Variants in PLK4 observed in about 807,000 individuals in gnomAD.
PLK4 encodes the protein serine/threonine-protein kinase PLK4.
PLK4 carries 51 observed loss-of-function variants against 103.0 expected under a neutral mutation model. The ratio of observed to expected loss-of-function variants is 0.50; its 90% CI spans 0.40 to 0.63. The LOEUF (loss-of-function observed/expected upper bound fraction) is 0.63. PLK4 is among the 20% of genes least tolerant of loss of function. The pLI, the probability that PLK4 is intolerant of heterozygous loss-of-function variation, is 0.00. For synonymous variants in PLK4, 389 were observed against 376.8 expected (o/e 1.03, Z -0.38); for missense variants, 1,054 against 1,151.0 (o/e 0.92, Z 1.22).
At chr4:127,891,891 TTAAAAAC>T in intron 9 of PLK4, 1 of 300,864 alleles carries the variant, frequency 3.3e-6, no homozygotes, top group Non-Finnish European at 6.0e-6. Flanking sequence ...TATATTCTAT[TTAAAAAC>T]TAACTCTAGA....
At position 127,883,495 on chromosome 4, in the gene PLK4, TA is replaced by T; in HGVS notation, c.281del (p.Asn94MetfsTer4). ...TGTATCTGGTATTAGAAATGTGCCA[TA>T]ATGGAGAAATGAACAGGTATCTAAA... ...YVYLVLEMCH[N>X]GEMNRYLKNR... On this transcript the variant is annotated frameshift_variant, in exon 4 of 16. Transcript: ENST00000270861. LOFTEE classifies it high-confidence loss of function. The T allele has an allele frequency of 6.4e-7, 1 of 1,554,416 alleles. No individual in the cohort carries two copies. The highest frequency in any genetic ancestry group is 8.9e-7 in the Non-Finnish European group (1 of 1,126,412).
intron 2 of PLK4, among the ~76,000 whole-genome samples, chr4:127,882,673 G>T (rs766776167): frequency 6.6e-6 from 1 of 152,090 alleles, no homozygotes; most frequent in South Asian, 2.1e-4. Flanking sequence ...CAGGAGAATC[G>T]CTTGAACCCG....
At chr4:127,885,686 C>A (rs765622036) in intron 4 of PLK4, 22 bp from the exon 5 acceptor site, 1 of 1,560,860 alleles carries the variant, frequency 6.4e-7, no homozygotes, top group Non-Finnish European at 8.7e-7. Flanking sequence ...ATTGTAAATT[C>A]TCTTTTTTAA....
At chr4:127,897,823 G>GGTTTT (rs1560703278) in intron 15 of PLK4, among the ~76,000 whole-genome samples, 1 of 37,138 alleles carries the variant, frequency 2.7e-5, no homozygotes, top group Admixed American at 3.5e-4. Flanking sequence ...TAGAATTAGG[G>GGTTTT]CTTTTTTTTT....
intron 5 of PLK4, 108 bp from the exon 6 acceptor site, chr4:127,887,288 A>G (rs1735172187): frequency 3.1e-6 from 2 of 646,886 alleles, no homozygotes; most frequent in African/African-American, 1.8e-5. Flanking sequence ...TTATTCTAAA[A>G]TGTTCAGGTA....
chr4:127,889,188 A>G (rs935308021), intron 6 of PLK4, among the ~76,000 whole-genome samples: 1 of 152,122 alleles, frequency 6.6e-6, no homozygotes, highest in African/African-American at 2.4e-5. Flanking sequence ...ATATAATTCA[A>G]ATTTTTAGTT....
chr4:127,886,841 A>T (rs1735156035), intron 5 of PLK4, 113 bp downstream of exon 5: 1 of 625,988 alleles, frequency 1.6e-6, no homozygotes, highest in Middle Eastern at 4.3e-4. Context: ...TAAAAAAAAA[A>T]ACCACTGTCA....
chr4:127,895,452 CTTTTTTTT>C (rs70966059), intron 14 of PLK4, among the ~76,000 whole-genome samples: 28 of 65,196 alleles, frequency 4.3e-4, no homozygotes, highest in East Asian at 2.7e-3. Context: ...GAGTAACTTT[CTTTTTTTT>C]TTTTTTTTTT....
In PLK4 at chr4:127,886,680, C is replaced by T. The variant is rs766069077; in HGVS notation, c.1310C>T (p.Thr437Ile). ...ATTTTTAACTTCTTTAAAGAAAAGA[C>T]ATCCAGTAGTTCTGGATCTTTTGAA... is the stretch of plus-strand genomic sequence containing the variant. ...ANIFNFFKEK[T>I]SSSSGSFERP... The change falls in exon 5 of 16, where the codon ACA becomes ATA. Residue 437 changes from threonine to isoleucine, a missense_variant. Transcript: ENST00000270861. 1 of 1,611,698 alleles carries T rather than the reference C, an allele frequency of 6.2e-7. No individual in the cohort carries two copies. Among genetic ancestry groups the T allele is most frequent in the Non-Finnish European group, 8.5e-7 (1 of 1,178,464 alleles).
At position 127,887,512 on chromosome 4, in the gene PLK4, A is replaced by T. The variant is rs750182110; in HGVS notation, c.1459+16A>T. The T allele has an allele frequency of 2.9e-6, 4 of 1,366,616 alleles. No homozygotes were observed. The highest frequency in any genetic ancestry group is 4.1e-6 in the Non-Finnish European group (4 of 964,208). 84.7% of individuals were successfully genotyped at this position (1,366,616 alleles called of 1,614,324 possible). On this transcript the variant is annotated intron_variant, in intron 6 of 15. Transcript: ENST00000270861. ...CAAATAAATGGTGAGTTTTTAATGG[A>T]GTATTTAATCAAGAATTAATTACTT...
intron 1 of PLK4, 44 bp downstream of exon 1, chr4:127,881,208 T>C (rs1349788147): frequency 6.2e-7 from 1 of 1,612,846 alleles, no homozygotes; most frequent in Admixed American, 1.7e-5. Flanking sequence ...TGGGAGTAAT[T>C]GTGGGAGGAC....
Position 127,891,200 on chromosome 4 carries a change from A to G in PLK4, c.1935+4A>G. 7.3e-7 allele frequency: 1 copy of G among 1,364,642 alleles called. No homozygotes were observed. The highest frequency in any genetic ancestry group is 1.0e-6 in the Non-Finnish European group (1 of 966,006). 84.5% of individuals were successfully genotyped at this position (1,364,642 alleles called of 1,614,324 possible). On this transcript the variant is annotated splice_donor_region_variant and intron_variant, in intron 8 of 15. Transcript: ENST00000270861. ...GATATCTAGTGATGGAAATACGGTA[A>G]TGTGTAGTTACTTTATTACCTTGCA... is the stretch of plus-strand genomic sequence containing the variant.
chr4:127,885,785 C>T lies in PLK4; in HGVS notation c.415C>T (p.Leu139Phe), dbSNP rs201335997. 102 of 1,613,680 alleles carry T rather than the reference C, an allele frequency of 6.3e-5. 1 individual carries two copies. In the Admixed American group the frequency reaches 1.7e-3, roughly 26 times the overall value. Residue 139 changes from leucine (L) to phenylalanine (F), a missense_variant, in exon 5 of 16, where the codon CTT becomes TTT. Leu to Phe is a conservative substitution (Grantham distance 22). Coordinates refer to ENST00000270861, the MANE Select transcript of PLK4 (RefSeq NM_014264.5). ...SHGILHRDLT[L>F]SNLLLTRNMN... is the part of the protein sequence containing the mutation. ...TGGTATACTACACCGGGACCTCACACTTTCTAACCTCCTACTGACTCGTAA... is the reference window on the plus strand; with the variant it reads ...TGGTATACTACACCGGGACCTCACATTTTCTAACCTCCTACTGACTCGTAA...
At chr4:127,894,813 A>G in intron 13 of PLK4, 140 bp from the exon 14 acceptor site, 1 of 538,116 alleles carries the variant, frequency 1.9e-6, no homozygotes, top group Non-Finnish European at 3.2e-6. Flanking sequence ...ATTTCCAATA[A>G]TGTGGTTATA....
rs75010725 is a variant in PLK4, at chr4:127,891,075, GT to G, written c.1831-3del. Reference sequence around the variant, plus strand: ...ACAAAAGAATTATTACTGATTTTGGGTTTTTTTTTTTTTTAGGTGAGCATAC... The same window carrying G: ...ACAAAAGAATTATTACTGATTTTGGGTTTTTTTTTTTTTAGGTGAGCATAC... On this transcript the variant is annotated splice_polypyrimidine_tract_variant and intron_variant, in intron 7 of 15. Coordinates refer to ENST00000270861, the MANE Select transcript of PLK4 (RefSeq NM_014264.5). The G allele has an allele frequency of 0.18, 183,664 of 1,045,616 alleles. No homozygotes were observed. The highest frequency in any genetic ancestry group is 0.19 in the South Asian group (11,868 of 60,990). 64.8% of individuals were successfully genotyped at this position (1,045,616 alleles called of 1,614,324 possible). A position where few individuals can be genotyped will look rare whatever the true frequency, so the allele number is the denominator to read the frequency against.
At chr4:127,896,084 C>T (rs1053739704) in intron 14 of PLK4, among the ~76,000 whole-genome samples, 1 of 152,144 alleles carries the variant, frequency 6.6e-6, no homozygotes, top group African/African-American at 2.4e-5. Context: ...ATTTGTTGAG[C>T]ACCTGCTTTG....
rs751634538 is a variant in PLK4, at chr4:127,893,374, A to G, written c.2278A>G (p.Ser760Gly). Residue 760 changes from serine (S) to glycine (G), a missense_variant, in exon 11 of 16, where the codon AGC (serine) becomes GGC (glycine). Physicochemically the swap from Ser to Gly is moderately conservative, Grantham distance 56. Coordinates refer to ENST00000270861, the MANE Select transcript of PLK4 (RefSeq NM_014264.5). ...TTTAAAAAGTGAAAGTGAAGTTAAT[A>G]GCTTGAAAGAGGAGATAAAAATGTA... ...YTLKSESEVN[S>G]LKEEIKMYMD... The G allele has an allele frequency of 6.2e-7, 1 of 1,608,288 alleles. No homozygotes were observed. Among genetic ancestry groups the G allele is most frequent in the Non-Finnish European group, 8.5e-7 (1 of 1,175,730 alleles).
rs564323488 is a variant in PLK4 at position 127,885,979 on chromosome 4, A to G, written c.609A>G (p.Thr203=). Residue 203 remains threonine, a synonymous_variant, in exon 5 of 16, where the codon ACA becomes ACG. Transcript: ENST00000270861. ...GGTCCCTGGGCTGTATGTTTTATACATTACTTATCGGGAGACCACCCTTCG... is the reference window on the plus strand; with the variant it reads ...GGTCCCTGGGCTGTATGTTTTATACGTTACTTATCGGGAGACCACCCTTCG... ...DVWSLGCMFY[T]LLIGRPPFDT... 130 of 1,614,204 alleles carry G rather than the reference A, an allele frequency of 8.1e-5. No individual in the cohort carries two copies. The South Asian group carries it at 1.2e-3, about 15-fold the overall frequency.
intron 13 of PLK4, among the ~76,000 whole-genome samples, chr4:127,894,296 G>A (rs1735478700): frequency 6.6e-6 from 1 of 151,652 alleles, no homozygotes; most frequent in African/African-American, 2.4e-5. Flanking sequence ...GCACGATCTC[G>A]GCTCACTGCA....
Sources: gnomAD v4.1 joint callset for allele counts (sites outside exome capture counted in the v4.1 genomes callset) on GRCh38, gnomAD v4.1.1 for gene constraint, MANE v1.5 for transcripts, NCBI Gene and HGNC (gene_info 2026-07-23, HGNC 2026-07-21) for gene names.